The following ACHE variants were observed in gnomAD, a reference collection of about 807,000 sequenced individuals.
The protein encoded by ACHE is acetylcholinesterase (Yt blood group).
Under a neutral mutation model 53.9 loss-of-function variants are expected in ACHE, and 19 were observed. The ratio of observed to expected loss-of-function variants is 0.35; its 90% CI spans 0.25 to 0.52. ACHE has a LOEUF of 0.52. Ranked by LOEUF, ACHE falls within the 20% of genes least tolerant of loss-of-function variation. The pLI, the probability that ACHE is intolerant of heterozygous loss-of-function variation, is 0.95. For missense variants in ACHE, 605 were observed against 849.4 expected, an observed-to-expected ratio of 0.71 and a Z score of 3.58; for synonymous variants, 392 against 378.1, an observed-to-expected ratio of 1.04 and a Z score of -0.43.
At position 100,892,938 on chromosome 7, in the gene ACHE, CAG is replaced by C. The variant is rs547413855; in HGVS notation, c.1069-122_1069-121del. On this transcript the variant is annotated intron_variant, in intron 2 of 4. Coordinates refer to ENST00000241069, the MANE Select transcript of ACHE (RefSeq NM_000665.5). The surrounding 1 kb of genome is among the most constrained non-coding windows in gnomAD (Gnocchi z 5.2). ...ACAGTTACAGACCCGGAACCATGGA[CAG>C]AGAGAGGACGAGATCAGGGGAGGGA... 329 of 1,340,714 alleles carry C rather than the reference CAG, an allele frequency of 2.5e-4. No individual in the cohort carries two copies. Among genetic ancestry groups the C allele is most frequent in the Non-Finnish European group, 3.2e-4 (319 of 1,005,514 alleles). The allele number at this position is 1,340,714 out of a possible 1,614,324, so 83.1% of individuals were successfully genotyped here.
intron 4 of ACHE, 56 bp from the exon 5 acceptor site, chr7:100,890,391 G>A (rs758776377): frequency 3.6e-4 from 559 of 1,574,294 alleles, no homozygotes; most frequent in Non-Finnish European, 4.5e-4. Context: ...GGAAGGTCGG[G>A]GATCGGACAT....
chr7:100,894,396 G>C, intron 1 of ACHE, 144 bp from the exon 2 acceptor site: 1 of 503,080 alleles, frequency 2.0e-6, no homozygotes, highest in Non-Finnish European at 3.4e-6. Context: ...GAGAGGGAGG[G>C]AGGGAAGGAG....
Position 100,891,264 on chromosome 7 carries a change from C to T in ACHE, c.1628G>A (p.Ser543Asn), listed in dbSNP as rs1790673274. The change falls in exon 4 of 5, where the codon AGT becomes AAT. Residue 543 changes from serine (S) to asparagine (N), a missense_variant. Ser to Asn is a conservative substitution (Grantham distance 46). This residue lies in a region of ACHE where 91 missense variants were observed against 83.2 expected (regional missense o/e 1.09). Coordinates refer to ENST00000241069, the MANE Select transcript of ACHE (RefSeq NM_000665.5). ...CACCTCCAGCGGCCGCAGGTCCAGA[C>T]TAACGTACTGCTGAGCCCCCGCCGT... ...PYTAGAQQYV[S>N]LDLRPLEVRR... is the part of the protein sequence containing the mutation. 1 of 1,610,938 alleles carries T rather than the reference C, an allele frequency of 6.2e-7. No homozygotes were observed. The highest frequency in any genetic ancestry group is 8.5e-7 in the Non-Finnish European group (1 of 1,179,566).
chr7:100,890,554 GGA>G, intron 4 of ACHE: 2 of 1,400,738 alleles, frequency 1.4e-6, no homozygotes, highest in Admixed American at 2.9e-5. Context: ...ACAGCAGGAA[GGA>G]GAGAGGAGGA....
At position 100,890,253 on chromosome 7, in the gene ACHE, G is replaced by A. The variant is rs1192359503; in HGVS notation, c.1806C>T (p.Phe602=). The A allele has an allele frequency of 1.9e-6, 3 of 1,613,566 alleles. No individual in the cohort carries two copies. The African/African-American group carries it at 4.0e-5, about 22-fold the overall frequency. The change falls in exon 5 of 5, where the codon TTC becomes TTT. Residue 602 remains phenylalanine, a synonymous_variant. Coordinates refer to ENST00000241069, the MANE Select transcript of ACHE (RefSeq NM_000665.5). ...AGCGATCCTGCTTGCTGTAGTGGTC[G>A]AACTGGTTCTTCCAGTGCACCATGT... ...SSYMVHWKNQ[F]DHYSKQDRCS...
rs574177670 is a variant in ACHE, at chr7:100,892,950, G to A, written c.1069-132C>T. On this transcript the variant is annotated intron_variant, in intron 2 of 4. Transcript: ENST00000241069. The surrounding 1 kb of genome is among the most constrained non-coding windows in gnomAD (Gnocchi z 5.2). ...CCGGAACCATGGACAGAGAGAGGAC[G>A]AGATCAGGGGAGGGATGCAGAGAAA... 4.7e-6 allele frequency: 6 copies of A among 1,276,778 alleles called. No individual in the cohort carries two copies. The African/African-American group carries it at 6.0e-5, about 13-fold the overall frequency. 79.1% of individuals were successfully genotyped at this position (1,276,778 alleles called of 1,614,324 possible). A position where few individuals can be genotyped will look rare whatever the true frequency, so the allele number is the denominator to read the frequency against.
intron 4 of ACHE, chr7:100,890,640 GGTTGACC>G: frequency 7.2e-7 from 1 of 1,382,938 alleles, no homozygotes; most frequent in Non-Finnish European, 9.4e-7. Flanking sequence ...AGACAGAAAT[GGTTGACC>G]GTTATAGCCC....
At position 100,890,211 on chromosome 7, in the gene ACHE, G is replaced by C. The variant is rs775191442; in HGVS notation, c.*3C>G. 2.7e-5 allele frequency: 44 copies of C among 1,613,560 alleles called. No individual in the cohort carries two copies. The highest frequency in any genetic ancestry group is 3.6e-5 in the Non-Finnish European group (43 of 1,179,654). On this transcript the variant is annotated 3_prime_UTR_variant, in exon 5 of 5. Transcript: ENST00000241069. ...AGCGGAGGACATGGGGGTCCCGCCGGGGTCACAGGTCTGAGCAGCGATCCT... is the reference window on the plus strand; with the variant it reads ...AGCGGAGGACATGGGGGTCCCGCCGCGGTCACAGGTCTGAGCAGCGATCCT...
chr7:100,892,669 G>A lies in ACHE; in HGVS notation c.1218C>T (p.Ala406=), dbSNP rs1220388298. 1.9e-6 allele frequency: 3 copies of A among 1,613,364 alleles called. No homozygotes were observed. Among genetic ancestry groups the A allele is most frequent in the East Asian group, 2.2e-5 (1 of 44,868 alleles). Residue 406 remains alanine, a synonymous_variant, in exon 3 of 5, where the codon GCC becomes GCT. Coordinates refer to ENST00000241069, the MANE Select transcript of ACHE (RefSeq NM_000665.5). The surrounding 1 kb of genome is among the most constrained non-coding windows in gnomAD (Gnocchi z 5.2). ...VGVPQVSDLA[A]EAVVLHYTDW... is the part of the protein sequence containing the mutation. Reference sequence around the variant, plus strand: ...CTGTGTAATGCAGGACCACAGCCTCGGCTGCCAGGTCACTTACCTGGGGAA... The same window carrying A: ...CTGTGTAATGCAGGACCACAGCCTCAGCTGCCAGGTCACTTACCTGGGGAA...
chr7:100,894,876 C>T (rs1465760439), intron 1 of ACHE, among the ~76,000 whole-genome samples: 1 of 151,982 alleles, frequency 6.6e-6, no homozygotes, highest in Admixed American at 6.5e-5. Context: ...CCCAGCCCAG[C>T]CCCAGCAAAC....
In ACHE at chr7:100,892,894, CAA is replaced by C; in HGVS notation, c.1069-78_1069-77del. On this transcript the variant is annotated intron_variant, in intron 2 of 4. Transcript: ENST00000241069. The surrounding 1 kb of genome is among the most constrained non-coding windows in gnomAD (Gnocchi z 5.2). ...AAGTAGACAGAAACAGATGGACAGA[CAA>C]AGAGCCAGAGAGATGAACAGTTACA... 6.8e-7 allele frequency: 1 copy of C among 1,462,646 alleles called. No homozygotes were observed. Among genetic ancestry groups the C allele is most frequent in the South Asian group, 1.4e-5 (1 of 73,740 alleles). 90.6% of individuals were successfully genotyped at this position (1,462,646 alleles called of 1,614,324 possible). A position where few individuals can be genotyped will look rare whatever the true frequency, so the allele number is the denominator to read the frequency against.
At position 100,892,698 on chromosome 7, in the gene ACHE, C is replaced by G; in HGVS notation, c.1189G>C (p.Gly397Arg). ...GCCAGGTCACTTACCTGGGGAACCC[C>G]GACCCGCACCCCGGCCAGGAACTCG... ...RAEFLAGVRV[G>R]VPQVSDLAAE... is the part of the protein sequence containing the mutation. Residue 397 changes from glycine (G) to arginine (R), a missense_variant, in exon 3 of 5, where the codon GGG becomes CGG. Gly to Arg is a moderately radical substitution (Grantham distance 125). This residue lies in a region of ACHE where 397 missense variants were observed against 632.5 expected (regional missense o/e 0.63). Coordinates refer to ENST00000241069, the MANE Select transcript of ACHE (RefSeq NM_000665.5). The surrounding 1 kb of genome is among the most constrained non-coding windows in gnomAD (Gnocchi z 5.2). 3 of 1,613,552 alleles carry G rather than the reference C, an allele frequency of 1.9e-6. No individual in the cohort carries two copies. Among genetic ancestry groups the G allele is most frequent in the Non-Finnish European group, 2.5e-6 (3 of 1,179,966 alleles).
chr7:100,891,783 CTTTTTTTTT>C (rs71902456), intron 3 of ACHE, among the ~76,000 whole-genome samples: 25 of 103,468 alleles, frequency 2.4e-4, no homozygotes, highest in Middle Eastern at 7.0e-3. Context: ...CTTGGTCTCC[CTTTTTTTTT>C]TTTTTTTTTT....
In ACHE at chr7:100,892,243, C is replaced by T. The variant is rs912817107; in HGVS notation, c.1553+91G>A. 2.6e-5 allele frequency: 37 copies of T among 1,426,820 alleles called. No homozygotes were observed. The African/African-American group carries it at 4.0e-4, about 15-fold the overall frequency. 88.4% of individuals were successfully genotyped at this position (1,426,820 alleles called of 1,614,324 possible). ...TGTTCTATCCTGCCCCTGTCCCACC[C>T]GTCCTTTCTGTCTCCGTGTGTCTGC... On this transcript the variant is annotated intron_variant, in intron 3 of 4. Transcript: ENST00000241069. This position sits in a 1 kb window ranked among gnomAD's most constrained non-coding sequence, Gnocchi z 5.2.
chr7:100,896,721 G>A (rs745668221), upstream of ACHE: 51 of 317,406 alleles, frequency 1.6e-4, 1 homozygote, highest in South Asian at 8.7e-4. Flanking sequence ...GACATCACCA[G>A]GCCTAGCATT....
chr7:100,893,128 A>T, intron 2 of ACHE, 37 bp downstream of exon 2: 1 of 1,600,342 alleles, frequency 6.2e-7, no homozygotes, highest in South Asian at 1.1e-5. Context: ...GTTGGGACCC[A>T]GAGGAGCCAG....
intron 3 of ACHE, among the ~76,000 whole-genome samples, chr7:100,891,807 C>T (rs1318921116): frequency 1.7e-5 from 1 of 58,200 alleles, no homozygotes; most frequent in African/African-American, 3.9e-5. Context: ...TTTTTTTTTC[C>T]AGAGATAGGG....
At position 100,891,209 on chromosome 7, in the gene ACHE, G is replaced by A. The variant is rs1405071737; in HGVS notation, c.1683C>T (p.Ala561=). Reference sequence around the variant, plus strand: ...ATTTGGGGAGGAAGCGGTTCCAGAAGGCGCAGGCCTGGGCGCGCAGCCCCC... The same window carrying A: ...ATTTGGGGAGGAAGCGGTTCCAGAAAGCGCAGGCCTGGGCGCGCAGCCCCC... ...VRRGLRAQAC[A]FWNRFLPKLL... The change falls in exon 4 of 5, where the codon GCC becomes GCT. Residue 561 remains alanine, a synonymous_variant. Coordinates refer to ENST00000241069, the MANE Select transcript of ACHE (RefSeq NM_000665.5). 1 of 1,610,334 alleles carries A rather than the reference G, an allele frequency of 6.2e-7. No homozygotes were observed.
At chr7:100,890,395 C>T in intron 4 of ACHE, 60 bp from the exon 5 acceptor site, 1 of 1,568,770 alleles carries the variant, frequency 6.4e-7, no homozygotes, top group Non-Finnish European at 8.6e-7. Flanking sequence ...GGTCGGGGAT[C>T]GGACATTTGG....
Sources: allele counts gnomAD v4.1 joint callset (sites outside exome capture counted in the v4.1 genomes callset), GRCh38; gene constraint gnomAD v4.1.1; regional missense constraint gnomAD v4.1.1; non-coding constraint Gnocchi (gnomAD v3.1); transcripts MANE v1.5; gene names NCBI Gene and HGNC (gene_info 2026-07-23, HGNC 2026-07-21).